Variants in TP63 observed in about 807,000 individuals in gnomAD.
The protein encoded by TP63 is tumor protein 63.
TP63 carries 17 observed loss-of-function variants against 82.8 expected under a neutral mutation model. The ratio of observed to expected loss-of-function variants is 0.21; its 90% CI spans 0.14 to 0.31. The LOEUF is 0.31. Among genes scored for constraint, TP63 ranks in the 10% least tolerant of loss-of-function variants. The probability of loss-of-function intolerance (pLI) is 1.00; values close to 1 mark genes in which losing one functional copy is unlikely to be tolerated. For synonymous variants in TP63, 330 were observed against 321.7 expected (o/e 1.03, Z -0.28); for missense variants, 648 against 895.3 (o/e 0.72, Z 3.52).
intron 1 of TP63, among the ~76,000 whole-genome samples, chr3:189,684,268 A>G (rs1371070254): frequency 6.6e-6 from 1 of 152,154 alleles, no homozygotes; most frequent in African/African-American, 2.4e-5. Flanking sequence ...ATTCTTCAAA[A>G]CCTAGTTCTT....
intron 1 of TP63, among the ~76,000 whole-genome samples, chr3:189,720,628 G>C (rs1020544179): frequency 6.6e-6 from 1 of 151,620 alleles, no homozygotes; most frequent in African/African-American, 2.4e-5. Context: ...CAGCTACTCA[G>C]GAGGCTGAGG....
intron 4 of TP63, among the ~76,000 whole-genome samples, chr3:189,862,426 C>A (rs1456279643): frequency 6.6e-6 from 1 of 152,052 alleles, no homozygotes; most frequent in Non-Finnish European, 1.5e-5. Context: ...ATACTGTACT[C>A]TCTCGAGCTT....
chr3:189,747,831 CT>C (rs1156729328), intron 3 of TP63, among the ~76,000 whole-genome samples: 1 of 148,916 alleles, frequency 6.7e-6, no homozygotes, highest in African/African-American at 2.5e-5. Context: ...TGATAAACCA[CT>C]TACTAGACTA....
intron 1 of TP63, among the ~76,000 whole-genome samples, chr3:189,731,902 T>C (rs1249974629): frequency 6.6e-6 from 1 of 152,234 alleles, no homozygotes; most frequent in Admixed American, 6.5e-5. Context: ...TCTTGCCCTA[T>C]GGCACCAGCT....
At chr3:189,842,318 A>G (rs1334373446) in intron 4 of TP63, among the ~76,000 whole-genome samples, 1 of 152,214 alleles carries the variant, frequency 6.6e-6, no homozygotes, top group Non-Finnish European at 1.5e-5. Context: ...AACATCTTAA[A>G]GAGAAGAGGT....
At chr3:189,782,739 T>G (rs1724319924) in intron 3 of TP63, among the ~76,000 whole-genome samples, 1 of 152,226 alleles carries the variant, frequency 6.6e-6, no homozygotes, top group South Asian at 2.1e-4. Context: ...ATTTAAGACC[T>G]TCTCTTTCCA....
At chr3:189,716,107 G>A (rs1195269376) in intron 1 of TP63, among the ~76,000 whole-genome samples, 2 of 152,110 alleles carry the variant, frequency 1.3e-5, no homozygotes. Flanking sequence ...GAAAGTTTAA[G>A]CAACTTGGTT....
intron 4 of TP63, among the ~76,000 whole-genome samples, chr3:189,825,910 C>T (rs1311805394): frequency 2.0e-5 from 3 of 152,170 alleles, no homozygotes; most frequent in African/African-American, 7.2e-5. Flanking sequence ...AAAGATTGCT[C>T]TTCCCTGCAG....
chr3:189,779,604 C>T (rs1313679748), intron 3 of TP63, among the ~76,000 whole-genome samples: 1 of 152,194 alleles, frequency 6.6e-6, no homozygotes, highest in East Asian at 1.9e-4. Context: ...TTCAGGCATG[C>T]GTGCAAGACA....
At chr3:189,618,357 T>C in the TP63 span, among the ~76,000 whole-genome samples, 6 of 152,240 alleles carry the variant, frequency 3.9e-5, no homozygotes, top group African/African-American at 1.4e-4. Context: ...CTCAGCCTCC[T>C]ACTGACCCAT....
chr3:189,710,095 C>T (rs1173142815), intron 1 of TP63, among the ~76,000 whole-genome samples: 1 of 152,042 alleles, frequency 6.6e-6, no homozygotes, highest in East Asian at 1.9e-4. Context: ...TTTCACTAGA[C>T]TTAGACTATA....
chr3:189,880,147 C>A, intron 10 of TP63: 1 of 1,613,848 alleles, frequency 6.2e-7, no homozygotes, highest in Middle Eastern at 1.6e-4. Context: ...TTTAGACATT[C>A]CAAGCCCCCA....
chr3:189,753,950 C>T (rs1215088931), intron 3 of TP63, among the ~76,000 whole-genome samples: 2 of 152,038 alleles, frequency 1.3e-5, no homozygotes, highest in African/African-American at 2.4e-5. Flanking sequence ...GGCTTTATAA[C>T]CCTCACACCT....
chr3:189,752,630 T>G (rs545277230), intron 3 of TP63, among the ~76,000 whole-genome samples: 1 of 152,158 alleles, frequency 6.6e-6, no homozygotes, highest in Non-Finnish European at 1.5e-5. Flanking sequence ...AGCTTATCGG[T>G]TTCCCTGTTT....
chr3:189,623,085 A>G, the TP63 span, among the ~76,000 whole-genome samples: 9 of 152,200 alleles, frequency 5.9e-5, no homozygotes, highest in East Asian at 5.8e-4. Flanking sequence ...GGTAAACACT[A>G]TATTTCAAGA....
In TP63 at chr3:189,734,119, T is replaced by C. The variant is rs1194589907; in HGVS notation, c.63-3621T>C. 1.2e-4 allele frequency among the ~76,000 whole-genome samples: 18 copies of C among 149,030 alleles called. No homozygotes were observed. In the East Asian group the frequency reaches 3.3e-3, roughly 28 times the overall value. On this transcript the variant is annotated intron_variant, in intron 1 of 13. Transcript: ENST00000264731. ...CTTTCTCTTTCTTTCTCTCTCTCTC[T>C]TTCTCTCTTTCCCTCCCTCCCTCCC...
intron 10 of TP63, chr3:189,881,579 A>G: frequency 1.1e-6 from 1 of 929,308 alleles, no homozygotes; most frequent in Non-Finnish European, 1.3e-6. Context: ...TTGAAGTAGC[A>G]TGTGTAGGTC....
chr3:189,783,796 G>A (rs537648284), intron 3 of TP63, among the ~76,000 whole-genome samples: 200 of 151,818 alleles, frequency 1.3e-3, no homozygotes, highest in African/African-American at 4.7e-3. Context: ...TTATAAAGTT[G>A]GAAAAGATAA....
At chr3:189,608,216 C>G in the TP63 span, among the ~76,000 whole-genome samples, 3 of 152,052 alleles carry the variant, frequency 2.0e-5, no homozygotes, top group Non-Finnish European at 2.9e-5. Context: ...TTGAAAACTC[C>G]TTGGAAATCT....
Sources: gnomAD v4.1 joint callset for allele counts (sites outside exome capture counted in the v4.1 genomes callset) on GRCh38, gnomAD v4.1.1 for gene constraint, MANE v1.5 for transcripts, NCBI Gene and HGNC (gene_info 2026-07-23, HGNC 2026-07-21) for gene names.